Variants in MYO1D observed in about 807,000 individuals in gnomAD.
MYO1D encodes unconventional myosin-Id.
Under a neutral mutation model 122.0 loss-of-function variants are expected in MYO1D, and 83 were observed. That is an observed-to-expected ratio of 0.68 (90% CI 0.57 to 0.82). The LOEUF is 0.82. Ranked by LOEUF, MYO1D falls within the 40% of genes least tolerant of loss-of-function variation. MYO1D has a pLI of 0.00. For synonymous variants in MYO1D, 464 were observed against 446.9 expected, an observed-to-expected ratio of 1.04 and a Z score of -0.48; for missense variants, 1,157 against 1,269.5, an observed-to-expected ratio of 0.91 and a Z score of 1.35.
At chr17:32,668,408 C>T (rs2088665039) in intron 16 of MYO1D, among the ~76,000 whole-genome samples, 1 of 152,226 alleles carries the variant, frequency 6.6e-6, no homozygotes, top group African/African-American at 2.4e-5. Context: ...ACACACAGTA[C>T]TCCATCAAAA....
At chr17:32,859,586 T>C (rs1202528795) in intron 1 of MYO1D, among the ~76,000 whole-genome samples, 1 of 152,188 alleles carries the variant, frequency 6.6e-6, no homozygotes, top group Non-Finnish European at 1.5e-5. Flanking sequence ...TAAATCTACA[T>C]CTCTTCACTT....
chr17:32,748,085 C>CTTAAGT (rs2089856722), intron 12 of MYO1D, among the ~76,000 whole-genome samples: 1 of 152,050 alleles, frequency 6.6e-6, no homozygotes, highest in Non-Finnish European at 1.5e-5. Context: ...CTTAAGCCAC[C>CTTAAGT]GATTGTGGTT....
intron 21 of MYO1D, among the ~76,000 whole-genome samples, chr17:32,553,088 A>AC (rs1216289649): frequency 5.2e-5 from 7 of 134,344 alleles, no homozygotes; most frequent in Non-Finnish European, 1.1e-4. Flanking sequence ...AAAAAAAAAA[A>AC]AACAAAAAAC....
At chr17:32,654,746 C>G in intron 17 of MYO1D, 125 bp from the exon 18 acceptor site, 1 of 835,438 alleles carries the variant, frequency 1.2e-6, no homozygotes. Flanking sequence ...GGCATGATCT[C>G]AGCTCACTGC....
intron 1 of MYO1D, among the ~76,000 whole-genome samples, chr17:32,831,690 G>A (rs2090772568): frequency 6.6e-6 from 1 of 152,148 alleles, no homozygotes; most frequent in South Asian, 2.1e-4. Context: ...TTAAAACAAT[G>A]TACTGCATTT....
At chr17:32,510,330 C>T (rs1909647950) in intron 21 of MYO1D, 1 of 152,280 alleles carries the variant, frequency 6.6e-6, no homozygotes, top group Non-Finnish European at 1.5e-5. Flanking sequence ...GAGGTTTGGA[C>T]ATTCTGACCC....
At chr17:32,539,257 CGTA>C (rs1408475599) in intron 21 of MYO1D, among the ~76,000 whole-genome samples, 1 of 144,958 alleles carries the variant, frequency 6.9e-6, no homozygotes, top group East Asian at 2.1e-4. Context: ...GCCGAGGTGA[CGTA>C]GGAAGACCCT....
chr17:32,647,684 T>C (rs932827417), intron 19 of MYO1D, among the ~76,000 whole-genome samples: 2 of 113,912 alleles, frequency 1.8e-5, no homozygotes, highest in South Asian at 2.9e-4. Flanking sequence ...TTATAGCTTA[T>C]ACATTTTTTT....
At chr17:32,580,556 C>A (rs1298626604) in intron 21 of MYO1D, among the ~76,000 whole-genome samples, 1 of 151,352 alleles carries the variant, frequency 6.6e-6, no homozygotes, top group African/African-American at 2.4e-5. Flanking sequence ...ACTACAGGCG[C>A]CCGCCACCAG....
At chr17:32,731,639 T>C (rs560612256) in intron 14 of MYO1D, among the ~76,000 whole-genome samples, 69 of 152,372 alleles carry the variant, frequency 4.5e-4, no homozygotes, top group Non-Finnish European at 2.6e-4. Flanking sequence ...TGATGCTGGC[T>C]GCAGTGGGGG....
intron 1 of MYO1D, among the ~76,000 whole-genome samples, chr17:32,814,560 A>G (rs990237702): frequency 1.3e-5 from 2 of 152,240 alleles, no homozygotes; most frequent in Admixed American, 1.3e-4. Flanking sequence ...AAAAGAAGAG[A>G]CATATAATTT....
intron 13 of MYO1D, among the ~76,000 whole-genome samples, chr17:32,741,390 A>T (rs1390674639): frequency 1.3e-5 from 2 of 152,062 alleles, no homozygotes; most frequent in Non-Finnish European, 2.9e-5. Flanking sequence ...TCCAAAAAAA[A>T]AAAAAGTCAA....
chr17:32,605,002 T>C (rs1467501595), intron 21 of MYO1D, 85 bp downstream of exon 21: 2 of 1,312,178 alleles, frequency 1.5e-6, no homozygotes, highest in African/African-American at 1.5e-5. Context: ...TACATTAAAA[T>C]TGGCACAAAA....
rs779075647 is a variant in MYO1D, at chr17:32,755,618, T to C, written c.1341A>G (p.Gln447=). The change falls in exon 11 of 22, where the codon CAA becomes CAG. Residue 447 remains glutamine (Q), a synonymous_variant. Transcript: ENST00000318217. Reference sequence around the variant, plus strand: ...GGATTGCAATGATCCCTTTGTGCTGTTGCTCCACGAGGTCAACAATGATCT... The same window carrying C: ...GGATTGCAATGATCCCTTTGTGCTGCTGCTCCACGAGGTCAACAATGATCT... The part of the protein sequence containing the change: ...NNQIIVDLVE[Q]QHKGIIAILD... The C allele has an allele frequency of 5.0e-6, 8 of 1,613,876 alleles. No individual in the cohort carries two copies. Among genetic ancestry groups the C allele is most frequent in the Non-Finnish European group, 6.8e-6 (8 of 1,179,830 alleles).
At chr17:32,730,545 A>G (rs373744888) in intron 14 of MYO1D, among the ~76,000 whole-genome samples, 24 of 152,166 alleles carry the variant, frequency 1.6e-4, no homozygotes, top group African/African-American at 4.8e-4. Context: ...TTTGTTTTTC[A>G]GAAAGATTCT....
At chr17:32,728,776 A>G (rs193094511) in intron 14 of MYO1D, among the ~76,000 whole-genome samples, 89 of 152,358 alleles carry the variant, frequency 5.8e-4, no homozygotes, top group Middle Eastern at 6.8e-3. Context: ...ACGCAATCTT[A>G]TAAGGCATCA....
chr17:32,603,855 CTTTACA>C (rs2087593570), intron 21 of MYO1D, among the ~76,000 whole-genome samples: 1 of 152,076 alleles, frequency 6.6e-6, no homozygotes, highest in African/African-American at 2.4e-5. Flanking sequence ...TTTTTCTTAG[CTTTACA>C]TTTATTTGGC....
chr17:32,856,755 A>G (rs2091030529), intron 1 of MYO1D, among the ~76,000 whole-genome samples: 2 of 152,128 alleles, frequency 1.3e-5, no homozygotes. Context: ...TTAAATACAG[A>G]TCTCTTTGAA....
At chr17:32,565,974 C>G (rs764681071) in intron 21 of MYO1D, among the ~76,000 whole-genome samples, 1 of 152,308 alleles carries the variant, frequency 6.6e-6, no homozygotes, top group Admixed American at 6.5e-5. Context: ...ATCCACCCAC[C>G]TCAGCCTCCC....
Sources: gnomAD v4.1 joint callset for allele counts (sites outside exome capture counted in the v4.1 genomes callset) on GRCh38, gnomAD v4.1.1 for gene constraint, MANE v1.5 for transcripts, NCBI Gene and HGNC (gene_info 2026-07-23, HGNC 2026-07-21) for gene names.